LPL: variants seen among roughly 807,000 people sequenced by gnomAD.
The protein encoded by LPL is phospholipase A1.
In LPL, 43 loss-of-function variants were observed where a neutral mutation model predicts 52.2. The ratio of observed to expected loss-of-function variants is 0.82; its 90% confidence interval spans 0.64 to 1.06. The LOEUF is 1.06. LPL is among the 50% of genes least tolerant of loss of function. LPL has a pLI of 0.00. For missense variants in LPL, 639 were observed against 585.3 expected (o/e 1.09, Z -0.95); for synonymous variants, 244 against 215.6 (o/e 1.13, Z -1.15).
chr8:19,947,656 A>AACCCCCCCC (rs774092810), intron 1 of LPL, among the ~76,000 whole-genome samples: 1 of 69,590 alleles, frequency 1.4e-5, no homozygotes, highest in Non-Finnish European at 3.3e-5. Flanking sequence ...AAACAAAACA[A>AACCCCCCCC]CCCCCCCCCC....
At chr8:19,963,705 A>G (rs2070060211) in intron 9 of LPL, among the ~76,000 whole-genome samples, 1 of 152,174 alleles carries the variant, frequency 6.6e-6, no homozygotes, top group South Asian at 2.1e-4. Flanking sequence ...ATTATGGTGT[A>G]TATACTCTGA....
At chr8:19,945,270 A>C (rs2069872840) in intron 1 of LPL, among the ~76,000 whole-genome samples, 1 of 152,116 alleles carries the variant, frequency 6.6e-6, no homozygotes, top group South Asian at 2.1e-4. Flanking sequence ...AGCTGACTGA[A>C]GTTTGGGAAG....
At chr8:19,959,531 G>T in intron 7 of LPL, 151 bp downstream of exon 7, 3 of 972,362 alleles carry the variant, frequency 3.1e-6, no homozygotes, top group South Asian at 2.0e-5. Flanking sequence ...TCCTCTATTT[G>T]ATATTGAGAA....
At chr8:19,947,130 C>T (rs2069888024) in intron 1 of LPL, among the ~76,000 whole-genome samples, 1 of 152,152 alleles carries the variant, frequency 6.6e-6, no homozygotes, top group Non-Finnish European at 1.5e-5. Context: ...GTATATCTTG[C>T]CATAGGAGTG....
chr8:19,944,556 A>G lies in LPL; in HGVS notation c.89-3624A>G, dbSNP rs1379980573. 2.6e-5 allele frequency among the ~76,000 whole-genome samples: 4 copies of G among 152,088 alleles called. No homozygotes were observed. On this transcript the variant is annotated intron_variant, in intron 1 of 9. Transcript: ENST00000650287. The surrounding 1 kb of genome is among the most constrained non-coding windows in gnomAD (Gnocchi z 4.2). The stretch of plus-strand genomic sequence containing the variant: ...ACCTCATGTCATTGCATAAATGTTC[A>G]TCTTACTCACGTGATGACTTTGATC...
chr8:19,962,368 A>G, intron 9 of LPL, 149 bp downstream of exon 9: 3 of 702,314 alleles, frequency 4.3e-6, no homozygotes, highest in South Asian at 2.9e-5. Flanking sequence ...GTCCTTCTGC[A>G]TATGTATCAA....
rs2069867110 is a variant in LPL at position 19,944,517 on chromosome 8, C to T, written c.89-3663C>T. Among the ~76,000 whole-genome samples, 1 of 152,018 alleles carries T rather than the reference C, an allele frequency of 6.6e-6. No homozygotes were observed. Among genetic ancestry groups the T allele is most frequent in the Non-Finnish European group, 1.5e-5 (1 of 67,996 alleles). ...GAAATTCCAAAGAGAATTGCATTCT[C>T]ATTGAGTTCTTGTACCTCATGTCAT... On this transcript the variant is annotated intron_variant, in intron 1 of 9. Transcript: ENST00000650287. The surrounding 1 kb of genome is among the most constrained non-coding windows in gnomAD (Gnocchi z 4.2).
At chr8:19,947,413 G>A (rs531045741) in intron 1 of LPL, among the ~76,000 whole-genome samples, 1 of 152,208 alleles carries the variant, frequency 6.6e-6, no homozygotes, top group South Asian at 2.1e-4. Context: ...GCTGAGGCGG[G>A]TGGATCACTT....
At chr8:19,949,467 G>C (rs1590140025) in intron 2 of LPL, among the ~76,000 whole-genome samples, 1 of 152,092 alleles carries the variant, frequency 6.6e-6, no homozygotes, top group Non-Finnish European at 1.5e-5. Flanking sequence ...ATTTTAATAG[G>C]TGTAAGTAGG....
At chr8:19,945,026 CTCT>C (rs2069871089) in intron 1 of LPL, among the ~76,000 whole-genome samples, 1 of 151,984 alleles carries the variant, frequency 6.6e-6, no homozygotes, top group Non-Finnish European at 1.5e-5. Flanking sequence ...TCCTGTACTC[CTCT>C]TCTTTCTCAA....
chr8:19,962,391 C>G (rs532449033), intron 9 of LPL, among the ~76,000 whole-genome samples, 172 bp downstream of exon 9: 1 of 152,208 alleles, frequency 6.6e-6, no homozygotes. Flanking sequence ...GGGTCTGTTG[C>G]TTTATGCAAT....
At chr8:19,959,820 T>G (rs1464866576) in intron 7 of LPL, among the ~76,000 whole-genome samples, 6 of 129,198 alleles carry the variant, frequency 4.6e-5, no homozygotes, top group Non-Finnish European at 8.0e-5. Context: ...ATGGAGTCTC[T>G]CTCTATTGCC....
In LPL at chr8:19,950,170, T is replaced by A. The variant is rs148577763; in HGVS notation, c.250-1599T>A. Among the ~76,000 whole-genome samples the A allele has an allele frequency of 1.2e-4, 18 of 152,310 alleles. No homozygotes were observed. Among genetic ancestry groups the A allele is most frequent in the African/African-American group, 1.4e-4 (6 of 41,586 alleles). On this transcript the variant is annotated intron_variant, in intron 2 of 9. Transcript: ENST00000650287. The surrounding 1 kb of genome is among the most constrained non-coding windows in gnomAD (Gnocchi z 4.2). ...CTAAGCCAGCCACACTGATCTTGAT[T>A]ATCTCAGTGAACTCACTGGCAGGGT...
Position 19,953,421 on chromosome 8 carries a change from G to C in LPL, c.541G>C (p.Gly181Arg), listed in dbSNP as rs747009924. 1.2e-6 allele frequency: 2 copies of C among 1,608,054 alleles called. No individual in the cohort carries two copies. Among genetic ancestry groups the C allele is most frequent in the South Asian group, 1.1e-5 (1 of 90,974 alleles). The part of the protein sequence containing the change: ...LTNKKVNRIT[G>R]LDPAGPNFEY... ...CAATAAGAAAGTCAACAGAATTACT[G>C]GTAAGAAAGCAATTTCGTTGGTCTT... Residue 181 changes from glycine to arginine, a missense_variant and splice_region_variant, in exon 4 of 10, where the codon GGC (glycine) becomes CGC (arginine). By Grantham distance (125) the Gly-to-Arg change is moderately radical. Transcript: ENST00000650287.
At chr8:19,952,820 A>G (rs1486962414) in intron 3 of LPL, among the ~76,000 whole-genome samples, 5 of 152,194 alleles carry the variant, frequency 3.3e-5, no homozygotes, top group African/African-American at 1.2e-4. Flanking sequence ...CTTCAATGAT[A>G]AAGTGATACA....
At chr8:19,956,167 A>C in intron 6 of LPL, 84 bp downstream of exon 6, 2 of 1,568,426 alleles carry the variant, frequency 1.3e-6, no homozygotes, top group Non-Finnish European at 1.7e-6. Context: ...GATTCTGTCC[A>C]TTGGAACAGA....
chr8:19,953,263 A>AT (rs749582123), intron 3 of LPL, 47 bp from the exon 4 acceptor site: 9 of 1,159,232 alleles, frequency 7.8e-6, no homozygotes, highest in Non-Finnish European at 1.2e-5. Flanking sequence ...TTTTAGTTTT[A>AT]TTTTTGGCAG....
At chr8:19,965,093 T>A (rs1222985885) in intron 9 of LPL, among the ~76,000 whole-genome samples, 1 of 151,082 alleles carries the variant, frequency 6.6e-6, no homozygotes, top group East Asian at 1.9e-4. Flanking sequence ...TGCACCTTAT[T>A]GGGACGGGGC....
chr8:19,945,833 G>A (rs184717007), intron 1 of LPL, among the ~76,000 whole-genome samples: 2 of 152,298 alleles, frequency 1.3e-5, no homozygotes, highest in East Asian at 3.9e-4. Flanking sequence ...AGCGAGATCT[G>A]TCTGCCAGAT....
Sources: allele counts gnomAD v4.1 joint callset (sites outside exome capture counted in the v4.1 genomes callset), GRCh38; gene constraint gnomAD v4.1.1; non-coding constraint Gnocchi (gnomAD v3.1); transcripts MANE v1.5; gene names NCBI Gene and HGNC (gene_info 2026-07-23, HGNC 2026-07-21).